Variants in PRRX2 observed in about 807,000 individuals in gnomAD.
PRRX2 encodes the protein paired related homeobox 2.
A neutral mutation model predicts 18.0 loss-of-function variants in PRRX2; 11 were observed. The observed-to-expected ratio is 0.61, with a 90% CI of 0.39 to 1.01. The LOEUF (loss-of-function observed/expected upper bound fraction) is 1.01. PRRX2 is among the 50% of genes least tolerant of loss of function. PRRX2 has a pLI of 0.01. For missense variants in PRRX2, 387 were observed against 351.0 expected, an observed-to-expected ratio of 1.10 and a Z score of -0.82; for synonymous variants, 177 against 154.8, an observed-to-expected ratio of 1.14 and a Z score of -1.06.
chr9:129,675,348 T>C lies in PRRX2; in HGVS notation c.259+9222T>C, dbSNP rs1832151240. 6.6e-6 allele frequency among the ~76,000 whole-genome samples: 1 copy of C among 152,162 alleles called. No homozygotes were observed. On this transcript the variant is annotated intron_variant, in intron 1 of 3. Coordinates refer to ENST00000372469, the MANE Select transcript of PRRX2 (RefSeq NM_016307.4). This position sits in a 1 kb window ranked among gnomAD's most constrained non-coding sequence, Gnocchi z 4.4. ...GGCGTGGAATGCAGGGGTGATGTGA[T>C]AGGGACGATTCCTGTCTCTCCCTCA...
intron 1 of PRRX2, among the ~76,000 whole-genome samples, chr9:129,693,978 A>T (rs1832391453): frequency 6.6e-6 from 1 of 152,204 alleles, no homozygotes; most frequent in African/African-American, 2.4e-5. Flanking sequence ...GAGTGAAGGC[A>T]GAGTCCTTGC....
intron 1 of PRRX2, among the ~76,000 whole-genome samples, chr9:129,669,401 G>T (rs1832073286): frequency 2.0e-5 from 3 of 152,250 alleles, no homozygotes; most frequent in Admixed American, 6.5e-5. Flanking sequence ...TACAACAAAA[G>T]AAACCACATT....
intron 1 of PRRX2, among the ~76,000 whole-genome samples, chr9:129,672,147 T>A (rs1432095881): frequency 4.0e-5 from 6 of 151,502 alleles, no homozygotes; most frequent in Non-Finnish European, 4.4e-5. Flanking sequence ...ACCTTGGGGG[T>A]GATTTAAGGG....
intron 1 of PRRX2, among the ~76,000 whole-genome samples, chr9:129,702,808 T>C (rs1253712217): frequency 6.6e-6 from 1 of 152,236 alleles, no homozygotes; most frequent in African/African-American, 2.4e-5. Context: ...GTCAGTGGAC[T>C]CCCTTTTAAG....
chr9:129,712,792 A>G (rs1157953511), intron 1 of PRRX2: 1 of 152,198 alleles, frequency 6.6e-6, no homozygotes, highest in East Asian at 1.9e-4. Flanking sequence ...TTCCTGAACA[A>G]AAAGAGACTC....
At chr9:129,684,442 ACACACACACACACACACC>A in intron 1 of PRRX2, among the ~76,000 whole-genome samples, 1 of 147,028 alleles carries the variant, frequency 6.8e-6, no homozygotes, top group South Asian at 2.1e-4. Flanking sequence ...ACACACACAC[ACACACACACACACACACC>A]CAACAGAAAA....
At chr9:129,669,007 T>G (rs1224234140) in intron 1 of PRRX2, among the ~76,000 whole-genome samples, 2 of 150,346 alleles carry the variant, frequency 1.3e-5, no homozygotes, top group African/African-American at 2.5e-5. Context: ...ATTAGTCAGG[T>G]GTGGTGACAG....
At chr9:129,697,153 T>G (rs1364505057) in intron 1 of PRRX2, among the ~76,000 whole-genome samples, 2 of 152,180 alleles carry the variant, frequency 1.3e-5, no homozygotes, top group Non-Finnish European at 2.9e-5. Flanking sequence ...CCTTTGTCAC[T>G]AATCGGGGGT....
chr9:129,684,649 G>A (rs996776312), intron 1 of PRRX2, among the ~76,000 whole-genome samples: 8 of 152,138 alleles, frequency 5.3e-5, no homozygotes, highest in African/African-American at 1.9e-4. Context: ...GATTGGCCGA[G>A]GCCTGGGCTG....
At chr9:129,681,077 C>T (rs1174208231) in intron 1 of PRRX2, among the ~76,000 whole-genome samples, 2 of 152,230 alleles carry the variant, frequency 1.3e-5, no homozygotes, top group Non-Finnish European at 2.9e-5. Context: ...GTGCCTAGAG[C>T]GTGCACATGC....
In PRRX2 at chr9:129,695,266, AG is replaced by A. The variant is rs1431696677; in HGVS notation, c.260-23960del. On this transcript the variant is annotated intron_variant, in intron 1 of 3. Coordinates refer to ENST00000372469, the MANE Select transcript of PRRX2 (RefSeq NM_016307.4). The surrounding 1 kb of genome is among the most constrained non-coding windows in gnomAD (Gnocchi z 4.8). ...CACTCCCTCCAGAGGTTTCTGGCTAAGGGGGACAGAGGAGAGGCCATGGAGG... is the reference window on the plus strand; with the variant it reads ...CACTCCCTCCAGAGGTTTCTGGCTAAGGGGACAGAGGAGAGGCCATGGAGG... 5.9e-5 allele frequency among the ~76,000 whole-genome samples: 9 copies of A among 152,166 alleles called. No individual in the cohort carries two copies. The highest frequency in any genetic ancestry group is 8.8e-5 in the Non-Finnish European group (6 of 68,022).
intron 1 of PRRX2, among the ~76,000 whole-genome samples, chr9:129,682,030 G>A (rs554591108): frequency 3.3e-5 from 5 of 152,318 alleles, no homozygotes; most frequent in Non-Finnish European, 7.4e-5. Flanking sequence ...TCCCTGAGGA[G>A]GAGGCGTGGG....
intron 1 of PRRX2, among the ~76,000 whole-genome samples, chr9:129,681,828 C>T (rs78206075): frequency 0.015 from 2,223 of 152,292 alleles, 54 homozygotes; most frequent in African/African-American, 0.05. Context: ...GCATCTCCTT[C>T]GGCACAGGGA....
chr9:129,708,342 T>C (rs1232826077), intron 1 of PRRX2, among the ~76,000 whole-genome samples: 1 of 152,178 alleles, frequency 6.6e-6, no homozygotes, highest in Non-Finnish European at 1.5e-5. Context: ...ACGGCCGTTA[T>C]CTGTCTTTTG....
intron 1 of PRRX2, among the ~76,000 whole-genome samples, chr9:129,688,671 G>C (rs551871730): frequency 2.0e-5 from 3 of 152,204 alleles, no homozygotes; most frequent in African/African-American, 4.8e-5. Flanking sequence ...GGGCCCCAAA[G>C]AGACACCTGA....
intron 1 of PRRX2, 100 bp from the exon 2 acceptor site, chr9:129,719,131 G>A (rs573508810): frequency 3.4e-6 from 4 of 1,167,006 alleles, no homozygotes; most frequent in East Asian, 2.8e-5. Flanking sequence ...TCCTGGCGGC[G>A]GCACTAAAGC....
chr9:129,667,160 T>TCTGAGTGCACCCAGCTG (rs60087380), intron 1 of PRRX2, among the ~76,000 whole-genome samples: 115,682 of 152,198 alleles, frequency 0.76, 44,912 homozygotes, highest in African/African-American at 0.93. Flanking sequence ...CGGGGCACCT[T>TCTGAGTGCACCCAGCTG]CTGCCAGCCT....
At chr9:129,693,723 T>C (rs933756159) in intron 1 of PRRX2, among the ~76,000 whole-genome samples, 3 of 151,700 alleles carry the variant, frequency 2.0e-5, no homozygotes, top group South Asian at 2.1e-4. Context: ...TCCAGAGAGG[T>C]TGGATAATTT....
At chr9:129,677,497 C>T (rs1832174439) in intron 1 of PRRX2, among the ~76,000 whole-genome samples, 1 of 152,168 alleles carries the variant, frequency 6.6e-6, no homozygotes, top group Non-Finnish European at 1.5e-5. Context: ...GGGGTTCCTC[C>T]CCACCTCCCG....
Sources: allele counts gnomAD v4.1 joint callset (sites outside exome capture counted in the v4.1 genomes callset), GRCh38; gene constraint gnomAD v4.1.1; non-coding constraint Gnocchi (gnomAD v3.1); transcripts MANE v1.5; gene names NCBI Gene and HGNC (gene_info 2026-07-23, HGNC 2026-07-21).